ZBTB20: variants seen among roughly 807,000 people sequenced by gnomAD.
ZBTB20 encodes zinc finger and BTB domain-containing protein 20.
ZBTB20 carries 9 observed loss-of-function variants against 56.9 expected under a neutral mutation model. The ratio of observed to expected loss-of-function variants is 0.16; its 90% CI spans 0.10 to 0.28. The LOEUF (loss-of-function observed/expected upper bound fraction) is 0.28. ZBTB20 is among the 10% of genes least tolerant of loss of function. The pLI is 1.00. For synonymous variants in ZBTB20, 417 were observed against 420.7 expected (o/e 0.99, Z 0.11); for missense variants, 655 against 1,003.0 (o/e 0.65, Z 4.69).
At chr3:114,762,699 T>G (rs1265592277) in intron 5 of ZBTB20, among the ~76,000 whole-genome samples, 1 of 152,176 alleles carries the variant, frequency 6.6e-6, no homozygotes, top group East Asian at 1.9e-4. Context: ...CATACTAACC[T>G]AGTGGCACCT....
intron 10 of ZBTB20, chr3:114,359,563 G>A (rs562907295): frequency 6.6e-6 from 1 of 152,268 alleles, no homozygotes; most frequent in Admixed American, 6.5e-5. Context: ...CCTTTTAGGA[G>A]TTTCATTTTT....
chr3:115,110,285 G>A (rs2108624443), intron 1 of ZBTB20, among the ~76,000 whole-genome samples: 1 of 152,220 alleles, frequency 6.6e-6, no homozygotes. Context: ...TAATAACGGA[G>A]TCAGCATGAT....
intron 3 of ZBTB20, among the ~76,000 whole-genome samples, chr3:114,963,503 T>A (rs2077532589): frequency 6.6e-6 from 1 of 152,184 alleles, no homozygotes; most frequent in Non-Finnish European, 1.5e-5. Context: ...CACATCTTTC[T>A]TTGGGAAGGT....
chr3:114,856,240 C>G (rs1000988897), intron 4 of ZBTB20, among the ~76,000 whole-genome samples: 21 of 152,196 alleles, frequency 1.4e-4, no homozygotes, highest in African/African-American at 5.1e-4. Context: ...AAATGATTTC[C>G]ACATACATTA....
At chr3:114,452,559 A>G (rs1485510474) in intron 7 of ZBTB20, among the ~76,000 whole-genome samples, 1 of 152,146 alleles carries the variant, frequency 6.6e-6, no homozygotes, top group Non-Finnish European at 1.5e-5. Context: ...AGTTACTTCA[A>G]ACATAAGGCA....
intron 3 of ZBTB20, among the ~76,000 whole-genome samples, chr3:114,908,834 T>C (rs572529985): frequency 6.6e-6 from 1 of 151,998 alleles, no homozygotes; most frequent in South Asian, 2.1e-4. Flanking sequence ...TCATATTAAA[T>C]GGAGCTAAAG....
In ZBTB20 at chr3:114,316,341, T is replaced by C. The variant is rs1049603323; in HGVS notation, c.*22664A>G. On this transcript the variant is annotated 3_prime_UTR_variant, in exon 12 of 12. Transcript: ENST00000675478. ...CAAAGTCACTGCAAGTAGCTGTTTTTATTTTTTGTGATCTGTTGCAAGAGT... is the reference window on the plus strand; with the variant it reads ...CAAAGTCACTGCAAGTAGCTGTTTTCATTTTTTGTGATCTGTTGCAAGAGT... The C allele has an allele frequency of 4.7e-5, 19 of 403,188 alleles. No individual in the cohort carries two copies. Among genetic ancestry groups the C allele is most frequent in the African/African-American group, 4.2e-4 (19 of 45,140 alleles). 25.0% of individuals were successfully genotyped at this position (403,188 alleles called of 1,614,324 possible).
chr3:114,827,112 A>G (rs1157161909), intron 4 of ZBTB20, among the ~76,000 whole-genome samples: 2 of 151,782 alleles, frequency 1.3e-5, no homozygotes, highest in Non-Finnish European at 3.0e-5. Context: ...TGCTTCATGT[A>G]TTACATAATA....
intron 6 of ZBTB20, among the ~76,000 whole-genome samples, chr3:114,686,157 A>C (rs949978798): frequency 6.6e-6 from 1 of 152,196 alleles, no homozygotes; most frequent in Non-Finnish European, 1.5e-5. Context: ...GTGCAGCTTA[A>C]GGAGCTTAAT....
At chr3:114,684,614 G>A (rs753571183) in intron 6 of ZBTB20, 1 of 152,210 alleles carries the variant, frequency 6.6e-6, no homozygotes, top group Non-Finnish European at 1.5e-5. Flanking sequence ...TTGCTACAAG[G>A]ATGAAGGTGG....
intron 7 of ZBTB20, among the ~76,000 whole-genome samples, chr3:114,463,213 A>G (rs2092405353): frequency 1.3e-5 from 2 of 152,204 alleles, no homozygotes; most frequent in African/African-American, 4.8e-5. Context: ...ATGCTTTGTA[A>G]ACTAAGAATC....
At chr3:114,824,104 A>G (rs2073396226) in intron 4 of ZBTB20, among the ~76,000 whole-genome samples, 1 of 152,006 alleles carries the variant, frequency 6.6e-6, no homozygotes, top group South Asian at 2.1e-4. Context: ...AAAAATAAGT[A>G]TATGCATTAT....
intron 7 of ZBTB20, among the ~76,000 whole-genome samples, chr3:114,431,901 G>A (rs551663792): frequency 6.6e-5 from 10 of 152,106 alleles, no homozygotes; most frequent in Non-Finnish European, 8.8e-5. Context: ...GTAGCTTTTC[G>A]GTCAAGTGGC....
At chr3:114,574,561 C>T (rs1321961357) in intron 6 of ZBTB20, among the ~76,000 whole-genome samples, 1 of 152,070 alleles carries the variant, frequency 6.6e-6, no homozygotes, top group Non-Finnish European at 1.5e-5. Context: ...TTCTTTTTAG[C>T]CATTCTATTT....
intron 6 of ZBTB20, among the ~76,000 whole-genome samples, chr3:114,537,876 A>G (rs985875864): frequency 6.6e-6 from 1 of 152,102 alleles, no homozygotes; most frequent in Non-Finnish European, 1.5e-5. Flanking sequence ...GTAAACTAAC[A>G]CAGAAACAGG....
chr3:114,582,645 G>A (rs2054769305), intron 6 of ZBTB20, among the ~76,000 whole-genome samples: 2 of 152,170 alleles, frequency 1.3e-5, no homozygotes, highest in South Asian at 2.1e-4. Flanking sequence ...CTCCTAAAGT[G>A]CCGGGATTAT....
chr3:114,865,623 T>C (rs1025919196), intron 4 of ZBTB20, among the ~76,000 whole-genome samples: 1 of 152,152 alleles, frequency 6.6e-6, no homozygotes, highest in African/African-American at 2.4e-5. Context: ...CTCAAAAAAG[T>C]TTCTGAAGAA....
At chr3:114,934,799 G>A (rs1449889625) in intron 3 of ZBTB20, among the ~76,000 whole-genome samples, 1 of 152,102 alleles carries the variant, frequency 6.6e-6, no homozygotes, top group East Asian at 1.9e-4. Flanking sequence ...ATAATGTTAT[G>A]ACAAAATAGG....
intron 2 of ZBTB20, among the ~76,000 whole-genome samples, chr3:115,001,798 A>G (rs1043283560): frequency 3.3e-5 from 5 of 151,640 alleles, no homozygotes; most frequent in African/African-American, 1.2e-4. Context: ...GTAAGACTCA[A>G]TACTATCAAA....
Sources: allele counts gnomAD v4.1 joint callset (sites outside exome capture counted in the v4.1 genomes callset), GRCh38; gene constraint gnomAD v4.1.1; transcripts MANE v1.5; gene names NCBI Gene and HGNC (gene_info 2026-07-23, HGNC 2026-07-21).